The following CCSER1 variants were observed in gnomAD, a reference collection of about 807,000 sequenced individuals.
The protein encoded by CCSER1 is coiled-coil serine rich protein 1, also known as serine-rich coiled-coil domain-containing protein 1.
In CCSER1, 41 loss-of-function variants were observed where a neutral mutation model predicts 82.0. The ratio of observed to expected loss-of-function variants is 0.50; its 90% confidence interval spans 0.39 to 0.65. The LOEUF (loss-of-function observed/expected upper bound fraction) is 0.65. CCSER1 is among the 30% of genes least tolerant of loss of function. The pLI is 0.00. For synonymous variants in CCSER1, 414 were observed against 383.9 expected (o/e 1.08, Z -0.92); for missense variants, 1,119 against 1,064.2 (o/e 1.05, Z -0.72).
At chr4:90,245,785 G>C (rs1161265479) in intron 1 of CCSER1, among the ~76,000 whole-genome samples, 1 of 152,062 alleles carries the variant, frequency 6.6e-6, no homozygotes, top group East Asian at 1.9e-4. Context: ...AAAAGGACAA[G>C]TGCAGTGATG....
intron 10 of CCSER1, among the ~76,000 whole-genome samples, chr4:91,457,473 C>T (rs1238578467): frequency 2.0e-5 from 3 of 151,728 alleles, no homozygotes; most frequent in African/African-American, 7.3e-5. Context: ...GAGATCAGCC[C>T]GGGCAACATA....
At chr4:90,605,167 T>TGGC (rs1159687443) in intron 5 of CCSER1, among the ~76,000 whole-genome samples, 2 of 152,084 alleles carry the variant, frequency 1.3e-5, no homozygotes, top group Non-Finnish European at 2.9e-5. Flanking sequence ...AGGAAGAAAC[T>TGGC]CCCGATACGT....
At chr4:91,037,263 T>TACAC (rs367578501) in intron 9 of CCSER1, among the ~76,000 whole-genome samples, 31 of 141,026 alleles carry the variant, frequency 2.2e-4, no homozygotes, top group East Asian at 6.2e-4. Context: ...CACACATACA[T>TACAC]ACACACACAC....
At chr4:90,516,960 A>G (rs578233037) in intron 5 of CCSER1, among the ~76,000 whole-genome samples, 1 of 152,276 alleles carries the variant, frequency 6.6e-6, no homozygotes, top group South Asian at 2.1e-4. Flanking sequence ...GGTAGTTTAT[A>G]TGGTGGCTTT....
chr4:90,298,164 T>C (rs1460844611), intron 1 of CCSER1, among the ~76,000 whole-genome samples: 1 of 152,114 alleles, frequency 6.6e-6, no homozygotes, highest in African/African-American at 2.4e-5. Context: ...ATTGCCACAA[T>C]TTCAGCTCCT....
chr4:90,479,970 T>G (rs908101641), intron 5 of CCSER1, among the ~76,000 whole-genome samples: 1 of 152,230 alleles, frequency 6.6e-6, no homozygotes, highest in Non-Finnish European at 1.5e-5. Flanking sequence ...CCACAATTGT[T>G]GAACTAGTTT....
chr4:91,071,053 C>A (rs1721381051), intron 9 of CCSER1, among the ~76,000 whole-genome samples: 1 of 152,004 alleles, frequency 6.6e-6, no homozygotes, highest in African/African-American at 2.4e-5. Context: ...ACTTATGGAT[C>A]TAAATTAATA....
intron 1 of CCSER1, among the ~76,000 whole-genome samples, chr4:90,299,062 T>C (rs967312333): frequency 3.3e-5 from 5 of 152,126 alleles, no homozygotes; most frequent in African/African-American, 1.2e-4. Flanking sequence ...AGATTACGTA[T>C]ATAAATGTGT....
chr4:90,739,883 C>A (rs1048016127), intron 7 of CCSER1, among the ~76,000 whole-genome samples: 1 of 152,142 alleles, frequency 6.6e-6, no homozygotes, highest in Non-Finnish European at 1.5e-5. Flanking sequence ...TCTTTCTTAT[C>A]CTCTTCAGTG....
intron 3 of CCSER1, among the ~76,000 whole-genome samples, chr4:90,387,427 G>T (rs539182850): frequency 2.0e-5 from 3 of 152,298 alleles, no homozygotes; most frequent in African/African-American, 7.2e-5. Context: ...AAGAAAAGAG[G>T]TCTGTCCTTT....
intron 3 of CCSER1, among the ~76,000 whole-genome samples, chr4:90,314,634 T>G (rs1735850168): frequency 1.3e-5 from 2 of 151,964 alleles, no homozygotes; most frequent in Admixed American, 1.3e-4. Flanking sequence ...CACCTGTAGT[T>G]CCAGCTACTC....
chr4:90,584,449 G>A (rs916700484), intron 5 of CCSER1, among the ~76,000 whole-genome samples: 1 of 152,082 alleles, frequency 6.6e-6, no homozygotes, highest in African/African-American at 2.4e-5. Context: ...AAAGCTTGGG[G>A]GTGAATTTCT....
At chr4:90,457,361 A>G (rs1053806137) in intron 4 of CCSER1, among the ~76,000 whole-genome samples, 3 of 152,150 alleles carry the variant, frequency 2.0e-5, no homozygotes, top group African/African-American at 7.2e-5. Flanking sequence ...TCGTGCTCAC[A>G]ACATGCTGAC....
chr4:90,740,666 C>G (rs559940999), intron 7 of CCSER1, among the ~76,000 whole-genome samples: 2 of 151,962 alleles, frequency 1.3e-5, no homozygotes, highest in African/African-American at 4.8e-5. Flanking sequence ...TAATGGCATA[C>G]CTCTTCTTCC....
At chr4:90,394,732 A>G (rs1751713305) in intron 3 of CCSER1, among the ~76,000 whole-genome samples, 1 of 152,136 alleles carries the variant, frequency 6.6e-6, no homozygotes, top group African/African-American at 2.4e-5. Flanking sequence ...TAACCACTTT[A>G]ATGTTATTTA....
chr4:90,735,988 T>C (rs1745577304), intron 7 of CCSER1, among the ~76,000 whole-genome samples: 1 of 152,130 alleles, frequency 6.6e-6, no homozygotes. Flanking sequence ...AAGCATATTG[T>C]TTAATTCCAT....
chr4:91,398,388 T>G (rs551199933), intron 10 of CCSER1, among the ~76,000 whole-genome samples: 1 of 151,906 alleles, frequency 6.6e-6, no homozygotes, highest in Non-Finnish European at 1.5e-5. Context: ...TATGACAGAT[T>G]TTTTGCTTAA....
chr4:91,176,283 C>A (rs1297994909), intron 10 of CCSER1, among the ~76,000 whole-genome samples: 1 of 152,144 alleles, frequency 6.6e-6, no homozygotes, highest in Admixed American at 6.6e-5. Context: ...GTTCTTTTGG[C>A]TTAGGATTTT....
chr4:90,548,604 A>T (rs561145884), intron 5 of CCSER1, among the ~76,000 whole-genome samples: 2 of 152,074 alleles, frequency 1.3e-5, no homozygotes, highest in East Asian at 3.9e-4. Context: ...GCCTAGTATG[A>T]CGTGTCTCCT....
Sources: allele counts gnomAD v4.1 joint callset (sites outside exome capture counted in the v4.1 genomes callset), GRCh38; gene constraint gnomAD v4.1.1; transcripts MANE v1.5; gene names NCBI Gene and HGNC (gene_info 2026-07-23, HGNC 2026-07-21).